MRPL15: variants seen among roughly 807,000 people sequenced by gnomAD.
The protein encoded by MRPL15 is mitochondrial ribosomal protein L15, also known as large ribosomal subunit protein uL15m.
Under a neutral mutation model 28.0 loss-of-function variants are expected in MRPL15, and 24 were observed. That is an observed-to-expected ratio of 0.86 (90% CI 0.62 to 1.21). The LOEUF (loss-of-function observed/expected upper bound fraction) is 1.21. Ranked by LOEUF, MRPL15 falls within the 50% of genes most tolerant of loss-of-function variation. The pLI is 0.00. For synonymous variants in MRPL15, 124 were observed against 137.0 expected (o/e 0.90, Z 0.66); for missense variants, 343 against 372.4 (o/e 0.92, Z 0.65).
At chr8:54,143,373 C>T (rs1810965384) in intron 4 of MRPL15, among the ~76,000 whole-genome samples, 1 of 152,188 alleles carries the variant, frequency 6.6e-6, no homozygotes, top group Non-Finnish European at 1.5e-5. Context: ...GCCACCACGC[C>T]CAACCCCTCT....
intron 3 of MRPL15, among the ~76,000 whole-genome samples, chr8:54,141,206 G>C (rs1277835527): frequency 6.6e-6 from 1 of 152,202 alleles, no homozygotes; most frequent in African/African-American, 2.4e-5. Flanking sequence ...CCCTGGATTA[G>C]AATACTTGCT....
At chr8:54,135,570 CTTT>C (rs537299219) in intron 1 of MRPL15, among the ~76,000 whole-genome samples, 179 bp downstream of exon 1, 8 of 116,904 alleles carry the variant, frequency 6.8e-5, no homozygotes, top group African/African-American at 9.0e-5. Flanking sequence ...GCACCCAGTT[CTTT>C]TTTTTTTTTT....
intron 2 of MRPL15, 51 bp downstream of exon 2, chr8:54,136,716 G>A (rs759013941): frequency 1.3e-6 from 2 of 1,543,178 alleles, no homozygotes; most frequent in South Asian, 1.2e-5. Context: ...CCATTAAAAA[G>A]CACCTAAAAA....
At chr8:54,143,372 C>T (rs1412403558) in intron 4 of MRPL15, among the ~76,000 whole-genome samples, 1 of 152,208 alleles carries the variant, frequency 6.6e-6, no homozygotes, top group Non-Finnish European at 1.5e-5. Flanking sequence ...AGCCACCACG[C>T]CCAACCCCTC....
At chr8:54,136,487 T>G (rs958534685) in intron 1 of MRPL15, 24 bp from the exon 2 acceptor site, 2 of 1,585,942 alleles carry the variant, frequency 1.3e-6, no homozygotes, top group Non-Finnish European at 1.7e-6. Flanking sequence ...CTGAAATTCA[T>G]AAAATTCTTT....
rs762174060 is a variant in MRPL15, at chr8:54,137,330, G to T, written c.326G>T (p.Arg109Leu). Reference protein sequence around the residue: ...NRLQYLIDLGRVDPSQPIDLT... With the variant: ...NRLQYLIDLGLVDPSQPIDLT... ...CTGCAGTATCTTATTGATTTGGGTC[G>T]TGTTGATCCTAGTCAACCTATTGAC... is the stretch of plus-strand genomic sequence containing the variant. The change falls in exon 3 of 5, where the codon CGT becomes CTT. Residue 109 changes from arginine (R) to leucine (L), a missense_variant. Arg to Leu is a moderately radical substitution (Grantham distance 102). Transcript: ENST00000260102. 5 of 1,614,038 alleles carry T rather than the reference G, an allele frequency of 3.1e-6. No individual in the cohort carries two copies. The East Asian group carries it at 8.9e-5, about 29-fold the overall frequency.
chr8:54,142,742 A>G lies in MRPL15; in HGVS notation c.509A>G (p.Asn170Ser). The G allele has an allele frequency of 1.2e-6, 2 of 1,614,192 alleles. No homozygotes were observed. The highest frequency in any genetic ancestry group is 1.7e-6 in the Non-Finnish European group (2 of 1,180,038). Residue 170 changes from asparagine (N) to serine (S), a missense_variant, in exon 4 of 5, where the codon AAT (asparagine) becomes AGT (serine). By Grantham distance (46) the Asn-to-Ser change is conservative. Transcript: ENST00000260102. ...SELAIAAIEKNGGVVTTAFYD... is the reference protein window; with the variant it reads ...SELAIAAIEKSGGVVTTAFYD... ...CTAGCTATTGCTGCCATTGAAAAAA[A>G]TGGTGGTGTTGTTACTACAGCCTTC...
intron 3 of MRPL15, among the ~76,000 whole-genome samples, chr8:54,138,568 C>A (rs944654199): frequency 6.6e-6 from 1 of 151,874 alleles, no homozygotes; most frequent in Non-Finnish European, 1.5e-5. Context: ...ATCTGCCCGC[C>A]TCAGCTTCCC....
chr8:54,139,988 A>G (rs537566362), intron 3 of MRPL15, among the ~76,000 whole-genome samples: 5 of 152,170 alleles, frequency 3.3e-5, no homozygotes, highest in Non-Finnish European at 7.3e-5. Context: ...AACATATACC[A>G]GTATTGGATA....
chr8:54,139,964 T>C (rs1810890726), intron 3 of MRPL15, among the ~76,000 whole-genome samples: 1 of 152,180 alleles, frequency 6.6e-6, no homozygotes, highest in African/African-American at 2.4e-5. Flanking sequence ...GAATCAAAGG[T>C]ACTGTTGATT....
At chr8:54,139,878 C>G (rs776205977) in intron 3 of MRPL15, among the ~76,000 whole-genome samples, 11 of 152,022 alleles carry the variant, frequency 7.2e-5, no homozygotes, top group Non-Finnish European at 1.5e-4. Context: ...CACCAATGCC[C>G]CCAAATAGGG....
chr8:54,136,373 C>G, intron 1 of MRPL15, 138 bp from the exon 2 acceptor site: 1 of 886,258 alleles, frequency 1.1e-6, no homozygotes, highest in Non-Finnish European at 1.7e-6. Context: ...CTTTGAGCAA[C>G]TAGGACATGC....
intron 1 of MRPL15, among the ~76,000 whole-genome samples, chr8:54,135,823 G>T (rs936962683): frequency 2.6e-5 from 4 of 152,052 alleles, no homozygotes; most frequent in Non-Finnish European, 4.4e-5. Context: ...GCCCCCGGCC[G>T]CACCCAGTTC....
At chr8:54,146,135 G>A (rs1447115063) in intron 4 of MRPL15, among the ~76,000 whole-genome samples, 1 of 151,198 alleles carries the variant, frequency 6.6e-6, no homozygotes, top group African/African-American at 2.5e-5. Flanking sequence ...ATGGAGAGAC[G>A]ATAGTGCAAG....
intron 1 of MRPL15, 71 bp downstream of exon 1, chr8:54,135,462 C>T: frequency 7.7e-7 from 1 of 1,303,156 alleles, no homozygotes; most frequent in South Asian, 1.4e-5. Flanking sequence ...CTCTCCCTGT[C>T]ATTAGGAGAA....
At position 54,142,643 on chromosome 8, in the gene MRPL15, A is replaced by T; in HGVS notation, c.430-20A>T. 1 of 1,608,674 alleles carries T rather than the reference A, an allele frequency of 6.2e-7. No homozygotes were observed. Among genetic ancestry groups the T allele is most frequent in the Non-Finnish European group, 8.5e-7 (1 of 1,178,258 alleles). On this transcript the variant is annotated intron_variant, in intron 3 of 4. Coordinates refer to ENST00000260102, the MANE Select transcript of MRPL15 (RefSeq NM_014175.4). ...TTTTAGCCAAGCTGTTTACCAACAG[A>T]CTGTTTTGACATATTTCAGGGTGCT... is the stretch of plus-strand genomic sequence containing the variant.
At chr8:54,141,797 A>G (rs1810930421) in intron 3 of MRPL15, among the ~76,000 whole-genome samples, 1 of 152,146 alleles carries the variant, frequency 6.6e-6, no homozygotes, top group Admixed American at 6.6e-5. Context: ...TGTAAATACT[A>G]TATAAATAGT....
chr8:54,144,240 T>C (rs1390505949), intron 4 of MRPL15, among the ~76,000 whole-genome samples: 1 of 152,236 alleles, frequency 6.6e-6, no homozygotes, highest in African/African-American at 2.4e-5. Context: ...ATTTTTCAAG[T>C]TGCAGAGATG....
chr8:54,136,793 C>T, intron 2 of MRPL15, 128 bp downstream of exon 2: 3 of 1,167,854 alleles, frequency 2.6e-6, no homozygotes, highest in Non-Finnish European at 3.6e-6. Context: ...TACTGTTCCC[C>T]TGAACCATTT....
Sources: gnomAD v4.1 joint callset for allele counts (sites outside exome capture counted in the v4.1 genomes callset) on GRCh38, gnomAD v4.1.1 for gene constraint, MANE v1.5 for transcripts, NCBI Gene and HGNC (gene_info 2026-07-23, HGNC 2026-07-21) for gene names.